Variants in PREX1 observed in about 807,000 individuals in gnomAD.
PREX1 encodes the protein phosphatidylinositol-3,4,5-trisphosphate dependent Rac exchange factor 1.
A neutral mutation model predicts 198.3 loss-of-function variants in PREX1; 41 were observed. The observed-to-expected ratio is 0.21, with a 90% CI of 0.16 to 0.27. The LOEUF (loss-of-function observed/expected upper bound fraction) is 0.27. Among genes scored for constraint, PREX1 ranks in the 10% least tolerant of loss-of-function variants. The pLI, the probability that PREX1 is intolerant of heterozygous loss-of-function variation, is 1.00. For missense variants in PREX1, 1,620 were observed against 2,200.7 expected (o/e 0.74, Z 5.28); for synonymous variants, 843 against 887.2 (o/e 0.95, Z 0.89).
intron 1 of PREX1, among the ~76,000 whole-genome samples, chr20:48,800,538 T>C (rs543739785): frequency 1.1e-4 from 17 of 152,286 alleles, no homozygotes; most frequent in African/African-American, 3.9e-4. Flanking sequence ...CACCACACAG[T>C]GGTCCTGTGA....
the PREX1 span, among the ~76,000 whole-genome samples, chr20:48,885,526 A>G: frequency 6.6e-6 from 1 of 152,376 alleles, no homozygotes; most frequent in South Asian, 2.1e-4. Flanking sequence ...TACTCTTACC[A>G]TATGATCCAG....
At chr20:48,829,465 C>T (rs2090530463), upstream of PREX1, among the ~76,000 whole-genome samples, 1 of 152,190 alleles carries the variant, frequency 6.6e-6, no homozygotes. Context: ...GGGGTGGCTT[C>T]TGCCCTCTCT....
the PREX1 span, among the ~76,000 whole-genome samples, chr20:48,851,612 G>C: frequency 6.6e-6 from 1 of 152,106 alleles, no homozygotes; most frequent in African/African-American, 2.4e-5. Context: ...ACCATCCCTT[G>C]GTCCTGTGAG....
Position 48,629,529 on chromosome 20 carries a change from G to A in PREX1, c.4686C>T (p.Ala1562=), listed in dbSNP as rs41283544. The A allele has an allele frequency of 8.2e-4, 1,318 of 1,614,096 alleles. 3 individuals are homozygous for A. The highest frequency in any genetic ancestry group is 9.1e-4 in the Non-Finnish European group (1,071 of 1,179,950). The change falls in exon 37 of 40, where the codon GCC becomes GCT. Residue 1562 remains alanine, a synonymous_variant. Coordinates refer to ENST00000371941, the MANE Select transcript of PREX1 (RefSeq NM_020820.4). ...GCTCCGAGGAGATGGGGATGAGGCCGGCGCCCACACTCCCAGCAGCACCAG... is the reference window on the plus strand; with the variant it reads ...GCTCCGAGGAGATGGGGATGAGGCCAGCGCCCACACTCCCAGCAGCACCAG... ...PKPGAAGSVG[A]GLIPISSELC...
intron 19 of PREX1, among the ~76,000 whole-genome samples, chr20:48,654,564 G>A (rs2089528030): frequency 6.6e-6 from 1 of 152,260 alleles, no homozygotes; most frequent in African/African-American, 2.4e-5. Flanking sequence ...GTCCTCTGGA[G>A]AGGAGGCTAA....
rs1354940804 is a variant in PREX1 at position 48,632,389 on chromosome 20, G to A, written c.4414C>T (p.Leu1472=). The A allele has an allele frequency of 1.9e-6, 3 of 1,613,606 alleles. No individual in the cohort carries two copies. The highest frequency in any genetic ancestry group is 1.3e-5 in the African/African-American group (1 of 74,948). ...GAAGGCAGCCCCTCCACGTTCTCCAGCACTGGGAGGGGAGATGTCGGGGGC... is the reference window on the plus strand; with the variant it reads ...GAAGGCAGCCCCTCCACGTTCTCCAACACTGGGAGGGGAGATGTCGGGGGC... The part of the protein sequence containing the change: ...RLHTALFTKV[L]ENVEGLPSPG... The change falls in exon 35 of 40, where the codon CTG becomes TTG. Residue 1472 remains leucine, a splice_region_variant and synonymous_variant. Coordinates refer to ENST00000371941, the MANE Select transcript of PREX1 (RefSeq NM_020820.4).
intron 7 of PREX1, 90 bp downstream of exon 7, chr20:48,700,663 A>C: frequency 1.3e-6 from 2 of 1,521,484 alleles, no homozygotes; most frequent in Non-Finnish European, 1.8e-6. Context: ...CTCACAGGAA[A>C]GGGAGGCCCA....
At chr20:48,681,820 A>G (rs2089753465) in intron 10 of PREX1, among the ~76,000 whole-genome samples, 1 of 152,046 alleles carries the variant, frequency 6.6e-6, no homozygotes, top group Non-Finnish European at 1.5e-5. Context: ...TGAAGAAGAG[A>G]GTGAGTAGAT....
chr20:48,695,794 T>C (rs1314842288), intron 7 of PREX1, among the ~76,000 whole-genome samples: 1 of 152,252 alleles, frequency 6.6e-6, no homozygotes, highest in African/African-American at 2.4e-5. Context: ...GCAATTTTTT[T>C]TCTGAAAAGG....
chr20:48,755,688 T>C (rs1182884501), intron 1 of PREX1, among the ~76,000 whole-genome samples: 4 of 152,198 alleles, frequency 2.6e-5, no homozygotes, highest in Non-Finnish European at 5.9e-5. Context: ...ACAGCCAACA[T>C]ATCCGCCCTG....
the PREX1 span, among the ~76,000 whole-genome samples, chr20:48,847,576 T>C: frequency 1.3e-5 from 2 of 152,184 alleles, no homozygotes; most frequent in Admixed American, 6.5e-5. Context: ...ATTTCCACCA[T>C]ATAGAGATAA....
intron 17 of PREX1, among the ~76,000 whole-genome samples, chr20:48,657,592 C>T (rs1276282493): frequency 1.3e-5 from 2 of 152,356 alleles, no homozygotes; most frequent in African/African-American, 4.8e-5. Flanking sequence ...GCAAGGTCAA[C>T]CTAGCCGCTC....
chr20:48,816,526 G>C lies in PREX1; in HGVS notation c.219+11116C>G, dbSNP rs140372036. On this transcript the variant is annotated intron_variant, in intron 1 of 39. Coordinates refer to ENST00000371941, the MANE Select transcript of PREX1 (RefSeq NM_020820.4). ...AAAGACGCCTGCGGGGGATAAAGCA[G>C]GGAGAAGAGTACAAGTACACTTCTA... Among the ~76,000 whole-genome samples the C allele has an allele frequency of 2.4e-4, 37 of 152,294 alleles. 1 individual carries two copies. In the East Asian group the frequency reaches 5.0e-3, roughly 21 times the overall value.
chr20:48,819,580 T>C (rs2090474534), intron 1 of PREX1, among the ~76,000 whole-genome samples: 1 of 152,206 alleles, frequency 6.6e-6, no homozygotes, highest in African/African-American at 2.4e-5. Context: ...CCGGCTTTAG[T>C]TTCCCCATCT....
intron 26 of PREX1, 30 bp downstream of exon 26, chr20:48,645,821 T>C (rs766221864): frequency 2.5e-6 from 4 of 1,610,124 alleles, no homozygotes; most frequent in South Asian, 1.1e-5. Flanking sequence ...CATCCTCATC[T>C]AACCTCAGCC....
chr20:48,733,235 ACCCAGAAATGCAAACACAAATATC>A, intron 4 of PREX1, among the ~76,000 whole-genome samples: 1 of 152,202 alleles, frequency 6.6e-6, no homozygotes. Context: ...ATGCAAATAT[ACCCAGAAATGCAAACACAAATATC>A]CCCAGAAATG....
intron 1 of PREX1, among the ~76,000 whole-genome samples, chr20:48,800,785 C>T (rs2090383052): frequency 6.6e-6 from 1 of 152,106 alleles, no homozygotes; most frequent in African/African-American, 2.4e-5. Context: ...CTTTAACATA[C>T]ATGACACATG....
chr20:48,886,436 G>C, the PREX1 span, among the ~76,000 whole-genome samples: 1 of 152,122 alleles, frequency 6.6e-6, no homozygotes, highest in African/African-American at 2.4e-5. Flanking sequence ...GCGCTGGCCA[G>C]GCCACCCTTA....
chr20:48,838,094 T>G, the PREX1 span, among the ~76,000 whole-genome samples: 4 of 152,280 alleles, frequency 2.6e-5, no homozygotes, highest in Admixed American at 2.6e-4. Context: ...ATGGCAAAGC[T>G]GCAAAGAAAA....
Sources: gnomAD v4.1 joint callset for allele counts (sites outside exome capture counted in the v4.1 genomes callset) on GRCh38, gnomAD v4.1.1 for gene constraint, MANE v1.5 for transcripts, NCBI Gene and HGNC (gene_info 2026-07-23, HGNC 2026-07-21) for gene names.